The following FARP1 variants were observed in gnomAD, a reference collection of about 807,000 sequenced individuals.
The protein encoded by FARP1 is FERM, ARHGEF and pleckstrin domain-containing protein 1.
In FARP1, 52 loss-of-function variants were observed where a neutral mutation model predicts 128.8. That is an observed-to-expected ratio of 0.40 (90% CI 0.32 to 0.51). FARP1 has a LOEUF of 0.51. Ranked by LOEUF, FARP1 falls within the 20% of genes least tolerant of loss-of-function variation. The pLI, the probability that FARP1 is intolerant of heterozygous loss-of-function variation, is 0.45. For synonymous variants in FARP1, 580 were observed against 551.8 expected, an observed-to-expected ratio of 1.05 and a Z score of -0.72; for missense variants, 1,333 against 1,367.9, an observed-to-expected ratio of 0.97 and a Z score of 0.40.
intron 2 of FARP1, among the ~76,000 whole-genome samples, chr13:98,236,623 T>G (rs983746590): frequency 8.5e-5 from 13 of 152,242 alleles, no homozygotes; most frequent in African/African-American, 2.9e-4. Flanking sequence ...AGATATGTCA[T>G]GAATATATAA....
At position 98,448,456 on chromosome 13, in the gene FARP1, G is replaced by A; in HGVS notation, c.*139G>A. On this transcript the variant is annotated 3_prime_UTR_variant, in exon 27 of 27. Coordinates refer to ENST00000319562, the MANE Select transcript of FARP1 (RefSeq NM_005766.4). ...TCCCAGCAGCTCTCCTGTCTCCACA[G>A]CCGCGTTTTTTAACCCCGACCTCTC... The A allele has an allele frequency of 2.8e-6, 2 of 709,814 alleles. No individual in the cohort carries two copies. Among genetic ancestry groups the A allele is most frequent in the Non-Finnish European group, 4.9e-6 (2 of 411,750 alleles). The allele number at this position is 709,814 out of a possible 1,614,324, so 44.0% of individuals were successfully genotyped here.
At chr13:98,167,701 C>T (rs1443419287) in intron 1 of FARP1, among the ~76,000 whole-genome samples, 1 of 152,074 alleles carries the variant, frequency 6.6e-6, no homozygotes, top group Non-Finnish European at 1.5e-5. Context: ...TGAGCCACTG[C>T]GCCTGGCCGC....
Position 98,393,670 on chromosome 13 carries a change from G to A in FARP1, c.1116G>A (p.Arg372=), listed in dbSNP as rs374846711. The change falls in exon 12 of 27, where the codon CGG becomes CGA. Residue 372 remains arginine, a synonymous_variant. Coordinates refer to ENST00000319562, the MANE Select transcript of FARP1 (RefSeq NM_005766.4). Reference sequence around the variant, plus strand: ...AGCACAGCAAGATTCATTCTATCCGGAGCCTTGCTTCACAGCCTACAGAAC... The same window carrying A: ...AGCACAGCAAGATTCATTCTATCCGAAGCCTTGCTTCACAGCCTACAGAAC... The part of the protein sequence containing the change: ...ERKHSKIHSI[R]SLASQPTELN... 5 of 1,613,962 alleles carry A rather than the reference G, an allele frequency of 3.1e-6. No homozygotes were observed. In the South Asian group the frequency reaches 5.5e-5, roughly 18 times the overall value.
intron 2 of FARP1, among the ~76,000 whole-genome samples, chr13:98,309,326 C>T (rs1168931788): frequency 7.3e-6 from 1 of 136,492 alleles, no homozygotes; most frequent in Non-Finnish European, 1.5e-5. Flanking sequence ...ACCATCACGC[C>T]CGGCTATTTT....
At chr13:98,429,442 C>A (rs1048297203) in intron 17 of FARP1, among the ~76,000 whole-genome samples, 4 of 152,150 alleles carry the variant, frequency 2.6e-5, no homozygotes, top group African/African-American at 9.7e-5. Context: ...GCTCAACTCA[C>A]AGTGAAGTGG....
chr13:98,179,885 A>C (rs1417726191), intron 1 of FARP1, among the ~76,000 whole-genome samples: 1 of 151,784 alleles, frequency 6.6e-6, no homozygotes, highest in Non-Finnish European at 1.5e-5. Flanking sequence ...AAAACAAAAA[A>C]CTTTTGACTT....
intron 2 of FARP1, among the ~76,000 whole-genome samples, chr13:98,327,632 T>C (rs12431364): frequency 0.16 from 23,760 of 152,204 alleles, 2,168 homozygotes; most frequent in East Asian, 0.31. Context: ...TGATAAAGTC[T>C]TTCCCTCTTG....
At chr13:98,160,067 G>A (rs1040911707) in intron 1 of FARP1, among the ~76,000 whole-genome samples, 6 of 152,232 alleles carry the variant, frequency 3.9e-5, no homozygotes, top group African/African-American at 1.4e-4. Flanking sequence ...CTGATACACA[G>A]TTGTTGGTAC....
intron 2 of FARP1, among the ~76,000 whole-genome samples, chr13:98,214,928 G>C (rs1459328722): frequency 6.6e-6 from 1 of 152,168 alleles, no homozygotes; most frequent in Non-Finnish European, 1.5e-5. Flanking sequence ...GTTCAGTGAG[G>C]TGTTTCGTTT....
intron 1 of FARP1, among the ~76,000 whole-genome samples, chr13:98,185,165 C>T (rs1021794534): frequency 6.6e-6 from 1 of 152,134 alleles, no homozygotes; most frequent in African/African-American, 2.4e-5. Context: ...GTATTCATTA[C>T]TTCTGTAAAA....
chr13:98,229,436 GTAAAATATTAT>G (rs1216408455), intron 2 of FARP1, among the ~76,000 whole-genome samples: 4 of 151,674 alleles, frequency 2.6e-5, no homozygotes, highest in African/African-American at 9.7e-5. Context: ...GAGTAACAAT[GTAAAATATTAT>G]TAACTTTTAT....
chr13:98,386,056 T>C (rs1890080863), intron 8 of FARP1: 3 of 478,108 alleles, frequency 6.3e-6, no homozygotes, highest in Non-Finnish European at 1.1e-5. Flanking sequence ...TTATTGACTT[T>C]GTAGCATCAC....
chr13:98,444,385 A>T (rs771850417), intron 24 of FARP1, among the ~76,000 whole-genome samples: 1 of 151,994 alleles, frequency 6.6e-6, no homozygotes, highest in Non-Finnish European at 1.5e-5. Context: ...AAGGGAGAGG[A>T]GCGGTGGCCC....
At chr13:98,363,197 C>T (rs968048762) in intron 3 of FARP1, among the ~76,000 whole-genome samples, 1 of 152,164 alleles carries the variant, frequency 6.6e-6, no homozygotes, top group African/African-American at 2.4e-5. Context: ...CTCTTCCTGA[C>T]CCACCAGCCC....
chr13:98,442,344 G>A (rs148836856), intron 24 of FARP1, among the ~76,000 whole-genome samples: 92 of 152,342 alleles, frequency 6.0e-4, no homozygotes, highest in African/African-American at 2.1e-3. Context: ...CTCGGGAAAC[G>A]ACCTTCCCCG....
chr13:98,338,024 A>G (rs902613346), intron 2 of FARP1, among the ~76,000 whole-genome samples: 1 of 152,200 alleles, frequency 6.6e-6, no homozygotes, highest in Non-Finnish European at 1.5e-5. Context: ...TTTTAAAAGT[A>G]GTGTTAACAG....
chr13:98,352,080 G>C (rs1053731876), intron 3 of FARP1, among the ~76,000 whole-genome samples: 2 of 152,080 alleles, frequency 1.3e-5, no homozygotes, highest in African/African-American at 4.8e-5. Context: ...CAAACCCAAG[G>C]CCGTACATAA....
At chr13:98,231,234 G>C (rs1203078427) in intron 2 of FARP1, among the ~76,000 whole-genome samples, 2 of 152,048 alleles carry the variant, frequency 1.3e-5, no homozygotes, top group African/African-American at 4.8e-5. Flanking sequence ...CTTCGGCCAA[G>C]CTGATATTTG....
intron 2 of FARP1, among the ~76,000 whole-genome samples, chr13:98,312,209 T>C (rs1371420336): frequency 2.8e-5 from 4 of 140,756 alleles, no homozygotes; most frequent in Non-Finnish European, 4.5e-5. Context: ...GGCGTGATCT[T>C]GGCTCACTGC....
Sources: gnomAD v4.1 joint callset for allele counts (sites outside exome capture counted in the v4.1 genomes callset) on GRCh38, gnomAD v4.1.1 for gene constraint, MANE v1.5 for transcripts, NCBI Gene and HGNC (gene_info 2026-07-23, HGNC 2026-07-21) for gene names.